The following CLTC variants were observed in gnomAD, a reference collection of about 807,000 sequenced individuals.
The protein encoded by CLTC is clathrin heavy chain.
CLTC carries 16 observed loss-of-function variants against 195.8 expected under a neutral mutation model. That is an observed-to-expected ratio of 0.08 (90% CI 0.06 to 0.12). CLTC has a LOEUF of 0.12. CLTC is among the 10% of genes least tolerant of loss of function. The pLI is 1.00. For synonymous variants in CLTC, 667 were observed against 689.4 expected (o/e 0.97, Z 0.51); for missense variants, 796 against 2,027.0 (o/e 0.39, Z 11.66).
At chr17:59,635,636 T>C (rs1207690824) in intron 1 of CLTC, among the ~76,000 whole-genome samples, 2 of 152,228 alleles carry the variant, frequency 1.3e-5, no homozygotes, top group Non-Finnish European at 2.9e-5. Flanking sequence ...TTTGGTTGTA[T>C]GTCTTAAGCT....
At chr17:59,660,688 T>C (rs923056893) in intron 7 of CLTC, 100 bp downstream of exon 7, 1 of 1,150,562 alleles carries the variant, frequency 8.7e-7, no homozygotes, top group Admixed American at 1.9e-5. Context: ...ACAGATAAAC[T>C]GTTTTTAGAT....
Position 59,683,073 on chromosome 17 carries a change from A to C in CLTC, c.3874-22A>C. The C allele has an allele frequency of 6.2e-7, 1 of 1,613,946 alleles. No homozygotes were observed. Among genetic ancestry groups the C allele is most frequent in the Non-Finnish European group, 8.5e-7 (1 of 1,179,906 alleles). On this transcript the variant is annotated intron_variant, in intron 24 of 31. Transcript: ENST00000269122. This position sits in a 1 kb window ranked among gnomAD's most constrained non-coding sequence, Gnocchi z 6.1. ...TTTACCATAGATATTCTTATCTTTAACTGCACATTTCTCTTGTTCAGGATC... is the reference window on the plus strand; with the variant it reads ...TTTACCATAGATATTCTTATCTTTACCTGCACATTTCTCTTGTTCAGGATC...
chr17:59,621,654 G>C (rs1361485255), intron 1 of CLTC, among the ~76,000 whole-genome samples: 2 of 152,112 alleles, frequency 1.3e-5, no homozygotes, highest in African/African-American at 4.8e-5. Flanking sequence ...ACTTTCCTCA[G>C]TCATCTATAA....
In CLTC at chr17:59,620,053, T is replaced by G; in HGVS notation, c.-79T>G. Reference sequence around the variant, plus strand: ...CCCAGCCTCCCCCCTCCCCTTCTCCTCCTCTCCCTTGGAGAGCCCGGGCAG... The same window carrying G: ...CCCAGCCTCCCCCCTCCCCTTCTCCGCCTCTCCCTTGGAGAGCCCGGGCAG... On this transcript the variant is annotated 5_prime_UTR_variant, in exon 1 of 32. Transcript: ENST00000269122. 11 of 1,342,268 alleles carry G rather than the reference T, an allele frequency of 8.2e-6. No individual in the cohort carries two copies. Among genetic ancestry groups the G allele is most frequent in the Non-Finnish European group, 1.2e-5 (11 of 940,434 alleles). 83.1% of individuals were successfully genotyped at this position (1,342,268 alleles called of 1,614,324 possible).
intron 7 of CLTC, among the ~76,000 whole-genome samples, chr17:59,661,014 G>A (rs1416011762): frequency 1.3e-5 from 2 of 152,078 alleles, no homozygotes; most frequent in Admixed American, 1.3e-4. Flanking sequence ...AGTTTATGGT[G>A]GACTGAATTA....
At chr17:59,649,620 T>A (rs2032279874) in intron 4 of CLTC, among the ~76,000 whole-genome samples, 1 of 152,192 alleles carries the variant, frequency 6.6e-6, no homozygotes, top group Non-Finnish European at 1.5e-5. Context: ...AGGACATGTG[T>A]CTCTCTCTTT....
rs1238723860 is a variant in CLTC at position 59,695,783 on chromosome 17, C to G, written c.*1931C>G. On this transcript the variant is annotated 3_prime_UTR_variant, in exon 32 of 32. Transcript: ENST00000269122. ...TGCTTTGATTTGTGGGAGGTGCCAT[C>G]AGTTTTCCCCACCACTGCTTTTGCA... 1.0e-5 allele frequency: 2 copies of G among 193,192 alleles called. No individual in the cohort carries two copies. Among genetic ancestry groups the G allele is most frequent in the Non-Finnish European group, 2.2e-5 (2 of 92,726 alleles). The allele number at this position is 193,192 out of a possible 1,614,324, so 12.0% of individuals were successfully genotyped here. A position where few individuals can be genotyped will look rare whatever the true frequency, so the allele number is the denominator to read the frequency against.
chr17:59,690,862 G>T (rs2033281029), intron 31 of CLTC, 151 bp downstream of exon 31: 2 of 502,408 alleles, frequency 4.0e-6, no homozygotes, highest in Non-Finnish European at 6.9e-6. Context: ...TTTCTGAGAA[G>T]TCATAAAGCA....
chr17:59,681,897 G>T lies in CLTC; in HGVS notation c.3442+58G>T. ...ATAAAATGATTAAGCTAAGCATTAA[G>T]ATATCTGTCTATTCTGAATTTTAGA... On this transcript the variant is annotated intron_variant, in intron 21 of 31. Coordinates refer to ENST00000269122, the MANE Select transcript of CLTC (RefSeq NM_004859.4). The surrounding 1 kb of genome is among the most constrained non-coding windows in gnomAD (Gnocchi z 5.0). 10 of 1,424,102 alleles carry T rather than the reference G, an allele frequency of 7.0e-6. No homozygotes were observed. Among genetic ancestry groups the T allele is most frequent in the Non-Finnish European group, 9.6e-6 (10 of 1,043,268 alleles). The allele number at this position is 1,424,102 out of a possible 1,614,324, so 88.2% of individuals were successfully genotyped here. A position where few individuals can be genotyped will look rare whatever the true frequency, so the allele number is the denominator to read the frequency against.
intron 4 of CLTC, among the ~76,000 whole-genome samples, chr17:59,649,803 A>C (rs2032286149): frequency 6.6e-6 from 1 of 152,212 alleles, no homozygotes; most frequent in Non-Finnish European, 1.5e-5. Context: ...GGTAGAAAGC[A>C]CTGATATTTA....
At chr17:59,628,239 T>C (rs763113171) in intron 1 of CLTC, among the ~76,000 whole-genome samples, 44 of 152,194 alleles carry the variant, frequency 2.9e-4, no homozygotes, top group Admixed American at 6.5e-4. Flanking sequence ...TTCTGGAAAA[T>C]GTCTCAGATG....
chr17:59,647,455 C>G lies in CLTC; in HGVS notation c.308C>G (p.Thr103Ser). Residue 103 changes from threonine (T) to serine (S), a missense_variant, in exon 3 of 32, where the codon ACC becomes AGC. Physicochemically the swap from Thr to Ser is moderately conservative, Grantham distance 58. This residue lies in a region of CLTC where 293 missense variants were observed against 795.6 expected (regional missense o/e 0.37). Transcript: ENST00000269122. ...ATGAAAAGTAAAATGAAGGCTCATACCATGACTGATGATGTCACCTTTTGG... is the reference window on the plus strand; with the variant it reads ...ATGAAAAGTAAAATGAAGGCTCATAGCATGACTGATGATGTCACCTTTTGG... ...IEMKSKMKAH[T>S]MTDDVTFWKW... 1 of 1,613,814 alleles carries G rather than the reference C, an allele frequency of 6.2e-7. No individual in the cohort carries two copies. Among genetic ancestry groups the G allele is most frequent in the Non-Finnish European group, 8.5e-7 (1 of 1,179,724 alleles).
Position 59,694,953 on chromosome 17 carries a change from A to G in CLTC, c.*1101A>G, listed in dbSNP as rs965468914. The G allele has an allele frequency of 2.7e-5, 6 of 219,976 alleles. No homozygotes were observed. In the East Asian group the frequency reaches 3.4e-4, roughly 12 times the overall value. 13.6% of individuals were successfully genotyped at this position (219,976 alleles called of 1,614,324 possible). A position where few individuals can be genotyped will look rare whatever the true frequency, so the allele number is the denominator to read the frequency against. On this transcript the variant is annotated 3_prime_UTR_variant, in exon 32 of 32. Coordinates refer to ENST00000269122, the MANE Select transcript of CLTC (RefSeq NM_004859.4). The stretch of plus-strand genomic sequence containing the variant: ...GTAGTTCATTAACAAGGTACATGCA[A>G]TAGTCTAAAGAACCAGAGTCACTAC...
In CLTC at chr17:59,648,640, A is replaced by G; in HGVS notation, c.681+239A>G. Reference sequence around the variant, plus strand: ...TCTTTGATTGCTAAAGTGCACATTTATATGCTGTACATCTAGAGAGTTTGA... The same window carrying G: ...TCTTTGATTGCTAAAGTGCACATTTGTATGCTGTACATCTAGAGAGTTTGA... On this transcript the variant is annotated intron_variant, in intron 4 of 31. Coordinates refer to ENST00000269122, the MANE Select transcript of CLTC (RefSeq NM_004859.4). This position sits in a 1 kb window ranked among gnomAD's most constrained non-coding sequence, Gnocchi z 4.5. 2.2e-6 allele frequency: 1 copy of G among 455,742 alleles called. No individual in the cohort carries two copies. The highest frequency in any genetic ancestry group is 4.0e-6 in the Non-Finnish European group (1 of 252,042). The allele number at this position is 455,742 out of a possible 1,614,324, so 28.2% of individuals were successfully genotyped here.
At chr17:59,672,343 C>T (rs565105051) in intron 14 of CLTC, among the ~76,000 whole-genome samples, 1 of 152,060 alleles carries the variant, frequency 6.6e-6, no homozygotes, top group South Asian at 2.1e-4. Context: ...AATTTTAACA[C>T]CTATGCATGA....
chr17:59,620,118 C>T lies in CLTC; in HGVS notation c.-14C>T, dbSNP rs918956573. 3 of 1,613,894 alleles carry T rather than the reference C, an allele frequency of 1.9e-6. No individual in the cohort carries two copies. In the Admixed American group the frequency reaches 5.0e-5, roughly 27 times the overall value. On this transcript the variant is annotated 5_prime_UTR_variant, in exon 1 of 32. Transcript: ENST00000269122. ...CCCCAGTGACAGGAGGAGACCATAA[C>T]CCCCGACAGCGCCATGGCCCAGATT...
intron 30 of CLTC, chr17:59,687,050 G>A (rs769776643): frequency 4.1e-6 from 4 of 980,756 alleles, no homozygotes; most frequent in Non-Finnish European, 4.8e-6. Context: ...ACATCTTTAA[G>A]TCTGGAGGAC....
At chr17:59,670,602 A>G (rs2032827646) in intron 14 of CLTC, among the ~76,000 whole-genome samples, 1 of 151,872 alleles carries the variant, frequency 6.6e-6, no homozygotes, top group Admixed American at 6.6e-5. Flanking sequence ...TTTTGTTTTT[A>G]TTGAGCCCTC....
At chr17:59,634,036 C>G (rs1286772547) in intron 1 of CLTC, among the ~76,000 whole-genome samples, 4 of 152,130 alleles carry the variant, frequency 2.6e-5, no homozygotes, top group Non-Finnish European at 4.4e-5. Flanking sequence ...AGCCTGCCAA[C>G]TAGCTAGAAC....
Sources: allele counts gnomAD v4.1 joint callset (sites outside exome capture counted in the v4.1 genomes callset), GRCh38; gene constraint gnomAD v4.1.1; regional missense constraint gnomAD v4.1.1; non-coding constraint Gnocchi (gnomAD v3.1); transcripts MANE v1.5; gene names NCBI Gene and HGNC (gene_info 2026-07-23, HGNC 2026-07-21).